COX10: variants seen among roughly 807,000 people sequenced by gnomAD.
COX10 encodes cytochrome c oxidase assembly factor heme A:farnesyltransferase COX10, also known as protoheme IX farnesyltransferase, mitochondrial.
A neutral mutation model predicts 37.3 loss-of-function variants in COX10; 27 were observed. The observed-to-expected ratio is 0.72, with a 90% CI of 0.53 to 1.00. The LOEUF (loss-of-function observed/expected upper bound fraction) is 1.00. COX10 is among the 50% of genes least tolerant of loss of function. The probability of loss-of-function intolerance (pLI) is 0.00; values close to 1 mark genes in which losing one functional copy is unlikely to be tolerated. For missense variants in COX10, 475 were observed against 563.2 expected (o/e 0.84, Z 1.59); for synonymous variants, 222 against 229.1 (o/e 0.97, Z 0.28).
At chr17:14,167,616 G>A (rs1283570538) in intron 5 of COX10, among the ~76,000 whole-genome samples, 1 of 152,166 alleles carries the variant, frequency 6.6e-6, no homozygotes, top group Non-Finnish European at 1.5e-5. Context: ...CATGGCTGAG[G>A]AGGCCTCAGG....
chr17:14,166,610 AC>A (rs1905289462), intron 5 of COX10, among the ~76,000 whole-genome samples: 1 of 118,232 alleles, frequency 8.5e-6, no homozygotes, highest in East Asian at 2.8e-4. Context: ...AGTCAATTCG[AC>A]CTTTTTTTTT....
chr17:14,127,207 T>TCTA (rs1480746517), intron 4 of COX10, among the ~76,000 whole-genome samples: 2 of 152,168 alleles, frequency 1.3e-5, no homozygotes, highest in Admixed American at 1.3e-4. Flanking sequence ...AACCAACCTT[T>TCTA]CTACTGTAGA....
chr17:14,169,454 T>C (rs1032292181), intron 5 of COX10, among the ~76,000 whole-genome samples: 3 of 152,196 alleles, frequency 2.0e-5, no homozygotes, highest in Admixed American at 6.5e-5. Context: ...TTCCACATTT[T>C]CAGGTATCTT....
intron 4 of COX10, among the ~76,000 whole-genome samples, chr17:14,119,848 A>G (rs1336360585): frequency 6.6e-6 from 1 of 152,112 alleles, no homozygotes; most frequent in Non-Finnish European, 1.5e-5. Context: ...CTTTTATTTT[A>G]GTTTTGGAGC....
chr17:14,183,637 G>A (rs1228431705), intron 5 of COX10, among the ~76,000 whole-genome samples: 1 of 152,276 alleles, frequency 6.6e-6, no homozygotes, highest in Non-Finnish European at 1.5e-5. Context: ...TAAATTGTAA[G>A]TAAACTTAAA....
intron 5 of COX10, among the ~76,000 whole-genome samples, chr17:14,170,336 G>A (rs554283572): frequency 6.6e-6 from 1 of 152,248 alleles, no homozygotes; most frequent in East Asian, 1.9e-4. Context: ...TTAACTTGGT[G>A]ACTGGAAAAA....
intron 4 of COX10, among the ~76,000 whole-genome samples, chr17:14,149,152 T>G (rs1430798417): frequency 6.6e-6 from 1 of 151,700 alleles, no homozygotes; most frequent in Non-Finnish European, 1.5e-5. Flanking sequence ...CATGTGAGTA[T>G]GAGGAGAAAA....
chr17:14,100,393 CAG>C (rs1354048144), intron 3 of COX10, among the ~76,000 whole-genome samples: 1 of 152,054 alleles, frequency 6.6e-6, no homozygotes, highest in African/African-American at 2.4e-5. Context: ...AGTGAGGAGT[CAG>C]AGTGTAGTAA....
rs754370834 is a variant in COX10 at position 14,192,218 on chromosome 17, G to A, written c.925G>A (p.Ala309Thr). The A allele has an allele frequency of 1.2e-6, 2 of 1,614,230 alleles. No individual in the cohort carries two copies. Among genetic ancestry groups the A allele is most frequent in the South Asian group, 2.2e-5 (2 of 91,086 alleles). ...GWTAATGSLD[A>T]GAFLLGGILY... ...GACAGCGGCCACGGGCAGCCTCGAT[G>A]CTGGTAAGTGTCCCGCGATGTGGAG... Residue 309 changes from alanine to threonine, a missense_variant, in exon 6 of 7, where the codon GCT becomes ACT. Around this residue, in one of 5 missense-constraint regions of COX10, gnomAD observed 17 missense variants for 36.3 expected, o/e 0.47. Coordinates refer to ENST00000261643, the MANE Select transcript of COX10 (RefSeq NM_001303.4).
intron 4 of COX10, among the ~76,000 whole-genome samples, chr17:14,108,665 C>A (rs1221675291): frequency 2.6e-5 from 1 of 38,050 alleles, no homozygotes; most frequent in Non-Finnish European, 5.0e-5. Flanking sequence ...ACATTCATGG[C>A]TGAAATAAGG....
chr17:14,079,159 G>A (rs11870023), intron 3 of COX10, among the ~76,000 whole-genome samples: 10,051 of 152,216 alleles, frequency 0.066, 377 homozygotes, highest in Non-Finnish European at 0.074. Context: ...AATAATAATA[G>A]ATCATTTAAG....
chr17:14,188,397 G>A (rs767505648), intron 5 of COX10, among the ~76,000 whole-genome samples: 1 of 151,570 alleles, frequency 6.6e-6, no homozygotes, highest in Middle Eastern at 3.4e-3. Context: ...ATGTTGGGAA[G>A]ATAGATGGTT....
At chr17:14,077,103 A>G in intron 3 of COX10, 47 bp downstream of exon 3, 2 of 1,580,540 alleles carry the variant, frequency 1.3e-6, no homozygotes, top group Non-Finnish European at 8.6e-7. Context: ...CTCTATCTTT[A>G]GTGAAACAAA....
chr17:14,207,874 A>G lies in COX10; in HGVS notation c.*661A>G, dbSNP rs1367482301. On this transcript the variant is annotated 3_prime_UTR_variant, in exon 7 of 7. Coordinates refer to ENST00000261643, the MANE Select transcript of COX10 (RefSeq NM_001303.4). Reference sequence around the variant, plus strand: ...CCCTTCACCCCCATTGCGTATGAGCATTTCAGAACTCCAAGGAGTCACAGG... The same window carrying G: ...CCCTTCACCCCCATTGCGTATGAGCGTTTCAGAACTCCAAGGAGTCACAGG... 6.6e-6 allele frequency: 1 copy of G among 152,502 alleles called. No individual in the cohort carries two copies. Among genetic ancestry groups the G allele is most frequent in the African/African-American group, 2.4e-5 (1 of 41,442 alleles). The allele number at this position is 152,502 out of a possible 1,614,324, so 9.4% of individuals were successfully genotyped here. A position where few individuals can be genotyped will look rare whatever the true frequency, so the allele number is the denominator to read the frequency against.
intron 1 of COX10, among the ~76,000 whole-genome samples, chr17:14,071,730 C>CAAA (rs57780115): frequency 0.015 from 1,705 of 113,182 alleles, 34 homozygotes; most frequent in East Asian, 0.033. Flanking sequence ...CTAAAAATAC[C>CAAA]AAAAAAAAAA....
At chr17:14,086,503 ACTTTACTG>A (rs1597494999) in intron 3 of COX10, among the ~76,000 whole-genome samples, 1 of 152,148 alleles carries the variant, frequency 6.6e-6, no homozygotes, top group East Asian at 1.9e-4. Context: ...TGAATTGAGA[ACTTTACTG>A]TTACATCATC....
intron 3 of COX10, among the ~76,000 whole-genome samples, chr17:14,100,780 C>G (rs9898985): frequency 0.15 from 22,840 of 152,036 alleles, 2,304 homozygotes; most frequent in African/African-American, 0.28. Flanking sequence ...AAACATCACT[C>G]TGAAGAGAAG....
rs1033368789 is a variant in COX10 at position 14,118,878 on chromosome 17, C to CT, written c.624+16647dup. ...TTCTATAATACCTGTAGTCAGGGAG[C>CT]TTTTTTTTTTTCATACAAATATGTT... On this transcript the variant is annotated intron_variant, in intron 4 of 6. Coordinates refer to ENST00000261643, the MANE Select transcript of COX10 (RefSeq NM_001303.4). Among the ~76,000 whole-genome samples the CT allele has an allele frequency of 1.6e-3, 224 of 141,838 alleles. 2 individuals are homozygous for CT. The highest frequency in any genetic ancestry group is 4.2e-3 in the African/African-American group (163 of 38,942). The allele number at this position is 141,838 out of a possible 152,430, so 93.1% of individuals were successfully genotyped here. A position where few individuals can be genotyped will look rare whatever the true frequency, so the allele number is the denominator to read the frequency against.
chr17:14,199,464 C>A (rs1389149829), intron 6 of COX10, among the ~76,000 whole-genome samples: 1 of 152,132 alleles, frequency 6.6e-6, no homozygotes, highest in Non-Finnish European at 1.5e-5. Context: ...AAAAGGGGAG[C>A]ACTGTTTTCA....
Sources: gnomAD v4.1 joint callset for allele counts (sites outside exome capture counted in the v4.1 genomes callset) on GRCh38, gnomAD v4.1.1 for gene constraint, gnomAD v4.1.1 regional missense constraint, MANE v1.5 for transcripts, NCBI Gene and HGNC (gene_info 2026-07-23, HGNC 2026-07-21) for gene names.